C1orf167: variants seen among roughly 807,000 people sequenced by gnomAD.
C1orf167 encodes chromosome 1 open reading frame 167.
C1orf167 carries 153 observed loss-of-function variants against 176.5 expected under a neutral mutation model. That is an observed-to-expected ratio of 0.87 (90% CI 0.76 to 0.99). The LOEUF is 0.99. Among genes scored for constraint, C1orf167 ranks in the 50% least tolerant of loss-of-function variants. The pLI, the probability that C1orf167 is intolerant of heterozygous loss-of-function variation, is 0.00. For synonymous variants in C1orf167, 594 were observed against 752.7 expected (o/e 0.79, Z 3.45); for missense variants, 1,490 against 1,817.7 (o/e 0.82, Z 3.28).
intron 6 of C1orf167, among the ~76,000 whole-genome samples, chr1:11,770,251 GA>G (rs908564948): frequency 1.3e-3 from 176 of 140,580 alleles, no homozygotes; most frequent in Non-Finnish European, 1.9e-3. Flanking sequence ...GGACCAGAAA[GA>G]AAAAAAAAAA....
chr1:11,764,974 T>C (rs1328728654), intron 2 of C1orf167, among the ~76,000 whole-genome samples: 2 of 136,270 alleles, frequency 1.5e-5, no homozygotes, highest in African/African-American at 2.7e-5. Flanking sequence ...GAATCACTTG[T>C]ACCCAGGAGG....
chr1:11,768,362 C>G lies in C1orf167; in HGVS notation c.1542+87C>G. ...ACTCAGTCTACGGAGAGGACACCCACTGGGCATAGGTGGCACCTCATGAAT... is the reference window on the plus strand; with the variant it reads ...ACTCAGTCTACGGAGAGGACACCCAGTGGGCATAGGTGGCACCTCATGAAT... On this transcript the variant is annotated intron_variant, in intron 5 of 20. Coordinates refer to ENST00000688073, the MANE Select transcript of C1orf167 (RefSeq NM_001010881.2). This position sits in a 1 kb window ranked among gnomAD's most constrained non-coding sequence, Gnocchi z 4.5. The G allele has an allele frequency of 8.6e-7, 1 of 1,156,082 alleles. No homozygotes were observed. The highest frequency in any genetic ancestry group is 1.1e-6 in the Non-Finnish European group (1 of 881,350). The allele number at this position is 1,156,082 out of a possible 1,614,324, so 71.6% of individuals were successfully genotyped here.
chr1:11,780,700 G>A (rs1191892564), intron 13 of C1orf167, among the ~76,000 whole-genome samples: 1 of 152,200 alleles, frequency 6.6e-6, no homozygotes, highest in African/African-American at 2.4e-5. Flanking sequence ...TGAGTTGGGA[G>A]AGAAGTGGGC....
At position 11,788,732 on chromosome 1, in the gene C1orf167, G is replaced by A. The variant is rs866589477; in HGVS notation, c.4159G>A (p.Ala1387Thr). The change falls in exon 20 of 21, where the codon GCA becomes ACA. Residue 1387 changes from alanine (A) to threonine (T), a missense_variant. Coordinates refer to ENST00000688073, the MANE Select transcript of C1orf167 (RefSeq NM_001010881.2). ...GACTGCGAGTGGCTCAGCAGTTACA[G>A]CAGCAGGAAGATGGGTGGGTCCTTT... is the stretch of plus-strand genomic sequence containing the variant. ...PATASGSAVT[A>T]AGRWAFKKWH... The A allele has an allele frequency of 3.8e-6, 5 of 1,304,214 alleles. No individual in the cohort carries two copies. The highest frequency in any genetic ancestry group is 4.3e-4 in the Middle Eastern group (2 of 4,698). 80.8% of individuals were successfully genotyped at this position (1,304,214 alleles called of 1,614,324 possible).
chr1:11,781,454 A>G (rs1342034138), intron 13 of C1orf167, among the ~76,000 whole-genome samples: 1 of 152,140 alleles, frequency 6.6e-6, no homozygotes, highest in Non-Finnish European at 1.5e-5. Context: ...GCTGCCCACT[A>G]CACCGACATA....
At chr1:11,785,080 T>C (rs1274022253) in intron 15 of C1orf167, 68 bp from the exon 16 acceptor site, 28 of 1,185,346 alleles carry the variant, frequency 2.4e-5, no homozygotes, top group Non-Finnish European at 2.8e-5. Flanking sequence ...CGCAGGGCAC[T>C]GGGGGGGCTC....
chr1:11,785,486 T>A (rs576221376), intron 16 of C1orf167, among the ~76,000 whole-genome samples, 197 bp downstream of exon 16: 3 of 152,170 alleles, frequency 2.0e-5, no homozygotes, highest in Admixed American at 6.5e-5. Context: ...GCTGGATGCC[T>A]CCCCAGGGGC....
intron 1 of C1orf167, 67 bp downstream of exon 1, chr1:11,762,372 T>C (rs1050220767): frequency 3.3e-6 from 1 of 299,110 alleles, no homozygotes; most frequent in Admixed American, 4.2e-5. Context: ...GGAGGGAGGC[T>C]GTGAGCCCCC....
intron 20 of C1orf167, 49 bp from the exon 21 acceptor site, chr1:11,789,221 C>T (rs1031167500): frequency 1.4e-5 from 18 of 1,294,544 alleles, no homozygotes; most frequent in Non-Finnish European, 1.7e-5. Flanking sequence ...CAGCACAGAC[C>T]CCGGAGAAAG....
At position 11,762,221 on chromosome 1, in the gene C1orf167, A is replaced by G. The variant is rs774227055; in HGVS notation, c.-155A>G. On this transcript the variant is annotated 5_prime_UTR_variant, in exon 1 of 21. Transcript: ENST00000688073. ...GTCCCCTCCCGCCCGCGACCTGCCG[A>G]CCTGCGGGGATCGTTAGCGGTCCCA... The G allele has an allele frequency of 4.7e-5, 21 of 446,370 alleles. No homozygotes were observed. The highest frequency in any genetic ancestry group is 1.4e-4 in the Admixed American group (6 of 41,942). 27.7% of individuals were successfully genotyped at this position (446,370 alleles called of 1,614,324 possible).
Position 11,779,991 on chromosome 1 carries a change from C to A in C1orf167, c.2841C>A (p.His947Gln), listed in dbSNP as rs1476918990. ...GGCTGGCACGAGATGCCCTATGCCA[C>A]TGGCACTCCTGTTGGCAGGGTGAGT... The part of the protein sequence containing the change: ...GWRLARDALC[H>Q]WHSCWQGQQF... The change falls in exon 13 of 21, where the codon CAC (histidine) becomes CAA (glutamine). Residue 947 changes from histidine (H) to glutamine (Q), a missense_variant. By Grantham distance (24) the His-to-Gln change is conservative. Coordinates refer to ENST00000688073, the MANE Select transcript of C1orf167 (RefSeq NM_001010881.2). The A allele has an allele frequency of 7.8e-7, 1 of 1,286,280 alleles. No individual in the cohort carries two copies. Among genetic ancestry groups the A allele is most frequent in the South Asian group, 1.3e-5 (1 of 79,636 alleles). The allele number at this position is 1,286,280 out of a possible 1,614,324, so 79.7% of individuals were successfully genotyped here.
At chr1:11,770,972 TTGTG>T (rs753081071) in intron 6 of C1orf167, among the ~76,000 whole-genome samples, 19,553 of 78,360 alleles carry the variant, frequency 0.25, 1,804 homozygotes, top group Non-Finnish European at 0.35. Context: ...ACTGGCTAAT[TTGTG>T]TGTGTGTGTG....
At chr1:11,785,436 G>A (rs772579768) in intron 16 of C1orf167, 147 bp downstream of exon 16, 9 of 963,888 alleles carry the variant, frequency 9.3e-6, no homozygotes, top group Non-Finnish European at 1.2e-5. Context: ...CGGACCACCG[G>A]CCTTAGAATC....
intron 14 of C1orf167, among the ~76,000 whole-genome samples, chr1:11,783,384 A>AT (rs971253388): frequency 2.9e-4 from 44 of 152,152 alleles, no homozygotes; most frequent in African/African-American, 9.6e-4. Flanking sequence ...AGTAGCTGGG[A>AT]TTACAGGCAT....
At chr1:11,780,624 C>A (rs1481982959) in intron 13 of C1orf167, among the ~76,000 whole-genome samples, 1 of 152,186 alleles carries the variant, frequency 6.6e-6, no homozygotes, top group African/African-American at 2.4e-5. Flanking sequence ...AATGTAGTCC[C>A]TATGTCATCA....
intron 10 of C1orf167, chr1:11,777,676 A>G (rs1227281760): frequency 6.6e-6 from 1 of 152,018 alleles, no homozygotes; most frequent in East Asian, 1.9e-4. Flanking sequence ...CTGTCCTTGA[A>G]AGCCACACAC....
intron 11 of C1orf167, 42 bp from the exon 12 acceptor site, chr1:11,778,884 G>C: frequency 7.7e-7 from 1 of 1,296,878 alleles, no homozygotes; most frequent in Non-Finnish European, 1.0e-6. Context: ...TGTGGGAAGG[G>C]GACAGGGTAG....
chr1:11,789,425 T>C lies in C1orf167; in HGVS notation c.4329T>C (p.His1443=). Residue 1443 remains histidine (H), a synonymous_variant, in exon 21 of 21, where the codon CAT becomes CAC. Transcript: ENST00000688073. ...APRGWGLGAE[H]GAQLQL ...GGGGTTGGGGGCTTGGGGCAGAGCA[T>C]GGGGCCCAGCTGCAGCTGTGACTTG... The C allele has an allele frequency of 7.7e-7, 1 of 1,303,902 alleles. No individual in the cohort carries two copies. Among genetic ancestry groups the C allele is most frequent in the South Asian group, 1.2e-5 (1 of 80,990 alleles). 80.8% of individuals were successfully genotyped at this position (1,303,902 alleles called of 1,614,324 possible).
intron 1 of C1orf167, among the ~76,000 whole-genome samples, chr1:11,763,988 G>A (rs904392958): frequency 4.6e-5 from 7 of 152,206 alleles, no homozygotes; most frequent in African/African-American, 1.7e-4. Flanking sequence ...TGCGAGGACG[G>A]CTGGAGTTCA....
Sources: gnomAD v4.1 joint callset for allele counts (sites outside exome capture counted in the v4.1 genomes callset) on GRCh38, gnomAD v4.1.1 for gene constraint, Gnocchi (gnomAD v3.1) non-coding constraint, MANE v1.5 for transcripts, NCBI Gene and HGNC (gene_info 2026-07-23, HGNC 2026-07-21) for gene names.